DGKD: variants seen among roughly 807,000 people sequenced by gnomAD.
DGKD encodes the protein diacylglycerol kinase delta, also known as DAG kinase delta.
Under a neutral mutation model 154.4 loss-of-function variants are expected in DGKD, and 68 were observed. The observed-to-expected ratio is 0.44, with a 90% CI of 0.36 to 0.54. The LOEUF (loss-of-function observed/expected upper bound fraction) is 0.54. Among genes scored for constraint, DGKD ranks in the 20% least tolerant of loss-of-function variants. DGKD has a pLI of 0.00. For synonymous variants in DGKD, 693 were observed against 638.0 expected (o/e 1.09, Z -1.30); for missense variants, 1,343 against 1,593.6 (o/e 0.84, Z 2.68).
intron 3 of DGKD, among the ~76,000 whole-genome samples, chr2:233,431,288 A>G (rs1192948342): frequency 2.0e-5 from 3 of 152,210 alleles, no homozygotes; most frequent in Non-Finnish European, 2.9e-5. Context: ...GATTTCTACA[A>G]TGAATACTAC....
chr2:233,432,227 T>TAA (rs550875364), intron 3 of DGKD, among the ~76,000 whole-genome samples: 1,094 of 95,494 alleles, frequency 0.011, 33 homozygotes, highest in African/African-American at 0.042. Context: ...TCGTCTCTAT[T>TAA]AAAAATACAA....
chr2:233,465,358 T>C (rs2063792026), intron 27 of DGKD, among the ~76,000 whole-genome samples: 1 of 152,178 alleles, frequency 6.6e-6, no homozygotes, highest in Non-Finnish European at 1.5e-5. Flanking sequence ...GAAGAGGACA[T>C]GGACGGGGGG....
chr2:233,451,291 T>C (rs1233804770), intron 17 of DGKD, among the ~76,000 whole-genome samples: 2 of 148,336 alleles, frequency 1.3e-5, no homozygotes, highest in South Asian at 2.2e-4. Flanking sequence ...GGAGGCGCCA[T>C]TGAGGAGGTG....
Position 233,360,011 on chromosome 2 carries a change from C to T in DGKD, c.156+5337C>T, listed in dbSNP as rs150554430. Among the ~76,000 whole-genome samples, 490 of 152,296 alleles carry T rather than the reference C, an allele frequency of 3.2e-3. 11 individuals carry two copies. The highest frequency in any genetic ancestry group is 3.4e-4 in the Non-Finnish European group (23 of 68,014). On this transcript the variant is annotated intron_variant, in intron 1 of 29. Transcript: ENST00000264057. ...GAGTAGGGAGCAGTGCCTTCTGCTT[C>T]TGGCAGTGGTGAGCTGAGTGACTGC...
intron 1 of DGKD, among the ~76,000 whole-genome samples, chr2:233,387,591 A>G (rs73115377): frequency 0.015 from 2,290 of 152,318 alleles, 55 homozygotes; most frequent in African/African-American, 0.052. Flanking sequence ...TTGAGCCAAG[A>G]TGAGTGGACC....
intron 19 of DGKD, among the ~76,000 whole-genome samples, chr2:233,456,632 G>A (rs1227797623): frequency 6.6e-6 from 1 of 152,106 alleles, no homozygotes; most frequent in Admixed American, 6.5e-5. Flanking sequence ...GTTCTATAAT[G>A]TTTTAACTTT....
intron 26 of DGKD, chr2:233,463,805 G>A: frequency 3.4e-6 from 1 of 291,660 alleles, no homozygotes. Context: ...CACACCTCCT[G>A]CTGCCTCCTG....
chr2:233,361,781 A>G (rs1305289132), intron 1 of DGKD, among the ~76,000 whole-genome samples: 1 of 152,184 alleles, frequency 6.6e-6, no homozygotes, highest in Non-Finnish European at 1.5e-5. Context: ...TCCCGCCTCT[A>G]CTAAAGATAC....
chr2:233,426,863 A>G (rs2062323107), intron 3 of DGKD, among the ~76,000 whole-genome samples: 1 of 152,226 alleles, frequency 6.6e-6, no homozygotes, highest in Admixed American at 6.5e-5. Context: ...CAGCTCAGCC[A>G]TTGTGAGAGA....
At chr2:233,378,056 C>G (rs1312200853) in intron 1 of DGKD, among the ~76,000 whole-genome samples, 2 of 151,926 alleles carry the variant, frequency 1.3e-5, no homozygotes, top group South Asian at 4.2e-4. Context: ...ATCCTCTCAC[C>G]TCAGCCTCCC....
chr2:233,365,375 T>C (rs1194870492), intron 1 of DGKD, among the ~76,000 whole-genome samples: 1 of 151,966 alleles, frequency 6.6e-6, no homozygotes, highest in African/African-American at 2.4e-5. Flanking sequence ...CGACTACAGG[T>C]GTCCATCACC....
intron 3 of DGKD, among the ~76,000 whole-genome samples, chr2:233,410,786 C>G (rs1423343094): frequency 1.3e-5 from 2 of 150,866 alleles, no homozygotes; most frequent in Non-Finnish European, 3.0e-5. Context: ...CACACACTTT[C>G]TCTCTCTCTC....
rs1425291936 is a variant in DGKD at position 233,360,925 on chromosome 2, T to C, written c.156+6251T>C. Among the ~76,000 whole-genome samples the C allele has an allele frequency of 5.3e-5, 8 of 150,554 alleles. No individual in the cohort carries two copies. In the South Asian group the frequency reaches 1.7e-3, roughly 32 times the overall value. Reference sequence around the variant, plus strand: ...TCTCCCCTAGAGCCTTTAGAGGGAGTGCGGCCTTCTGATCCCTTGATCTCC... The same window carrying C: ...TCTCCCCTAGAGCCTTTAGAGGGAGCGCGGCCTTCTGATCCCTTGATCTCC... On this transcript the variant is annotated intron_variant, in intron 1 of 29. Coordinates refer to ENST00000264057, the MANE Select transcript of DGKD (RefSeq NM_152879.3).
At chr2:233,420,303 T>C (rs1312361759) in intron 3 of DGKD, among the ~76,000 whole-genome samples, 1 of 152,052 alleles carries the variant, frequency 6.6e-6, no homozygotes, top group Non-Finnish European at 1.5e-5. Context: ...ATTGTGTGTG[T>C]CTCTAGTTCT....
At chr2:233,395,933 C>T (rs1263216058) in intron 3 of DGKD, among the ~76,000 whole-genome samples, 1 of 152,142 alleles carries the variant, frequency 6.6e-6, no homozygotes, top group East Asian at 1.9e-4. Flanking sequence ...GGTTTAGTCA[C>T]AGAGAACATG....
At chr2:233,462,285 G>C in intron 24 of DGKD, 63 bp from the exon 25 acceptor site, 1 of 1,355,508 alleles carries the variant, frequency 7.4e-7, no homozygotes, top group African/African-American at 1.4e-5. Context: ...GTTCAGATGC[G>C]TATTGTGAAA....
chr2:233,459,939 G>A lies in DGKD; in HGVS notation c.2829+48G>A. On this transcript the variant is annotated intron_variant, in intron 23 of 29. Coordinates refer to ENST00000264057, the MANE Select transcript of DGKD (RefSeq NM_152879.3). The surrounding 1 kb of genome is among the most constrained non-coding windows in gnomAD (Gnocchi z 5.7). ...CCTGGGTGGGGTACAGGGCTCACCT[G>A]TGGGCTCTTGTGTGCACTGTTAAGA... The A allele has an allele frequency of 2.5e-6, 4 of 1,589,450 alleles. No homozygotes were observed. Among genetic ancestry groups the A allele is most frequent in the Non-Finnish European group, 3.4e-6 (4 of 1,168,770 alleles).
intron 12 of DGKD, 53 bp from the exon 13 acceptor site, chr2:233,448,034 T>C: frequency 1.2e-6 from 2 of 1,609,178 alleles, no homozygotes; most frequent in Non-Finnish European, 1.7e-6. Flanking sequence ...GGGACTGTCA[T>C]GGAGCTTGCT....
chr2:233,419,613 T>C (rs545821127), intron 3 of DGKD, among the ~76,000 whole-genome samples: 2 of 152,344 alleles, frequency 1.3e-5, no homozygotes, highest in East Asian at 1.9e-4. Flanking sequence ...GGTGTGACTT[T>C]ACTCATGTGC....
Sources: gnomAD v4.1 joint callset for allele counts (sites outside exome capture counted in the v4.1 genomes callset) on GRCh38, gnomAD v4.1.1 for gene constraint, Gnocchi (gnomAD v3.1) non-coding constraint, MANE v1.5 for transcripts, NCBI Gene and HGNC (gene_info 2026-07-23, HGNC 2026-07-21) for gene names.